The following KDM4B variants were observed in gnomAD, a reference collection of about 807,000 sequenced individuals.
The protein encoded by KDM4B is lysine-specific demethylase 4B.
KDM4B carries 32 observed loss-of-function variants against 125.2 expected under a neutral mutation model. The ratio of observed to expected loss-of-function variants is 0.26; its 90% CI spans 0.19 to 0.34. KDM4B has a LOEUF of 0.34. Ranked by LOEUF, KDM4B falls within the 10% of genes least tolerant of loss-of-function variation. The pLI, the probability that KDM4B is intolerant of heterozygous loss-of-function variation, is 1.00. For synonymous variants in KDM4B, 721 were observed against 677.9 expected, an observed-to-expected ratio of 1.06 and a Z score of -0.99; for missense variants, 1,190 against 1,577.7, an observed-to-expected ratio of 0.75 and a Z score of 4.16.
chr19:5,077,043 C>T (rs1314828446), intron 7 of KDM4B: 3 of 340,676 alleles, frequency 8.8e-6, no homozygotes, highest in Non-Finnish European at 5.4e-6. Context: ...GGTGAGGAGG[C>T]CCTTGGCTGC....
chr19:5,137,754 C>T, intron 17 of KDM4B, 78 bp downstream of exon 17: 1 of 1,370,114 alleles, frequency 7.3e-7, no homozygotes, highest in Non-Finnish European at 9.9e-7. Flanking sequence ...GGTGTGACCC[C>T]AGTGCCTAGG....
chr19:5,041,656 C>G (rs555686459), intron 5 of KDM4B, among the ~76,000 whole-genome samples: 3 of 152,380 alleles, frequency 2.0e-5, no homozygotes, highest in East Asian at 1.9e-4. Flanking sequence ...GCTCAGGGCC[C>G]GGAGACACTG....
chr19:5,038,654 G>A (rs1568247231), intron 3 of KDM4B, among the ~76,000 whole-genome samples: 1 of 152,218 alleles, frequency 6.6e-6, no homozygotes, highest in Non-Finnish European at 1.5e-5. Flanking sequence ...AGAGGTCCTG[G>A]GCCATAGTCT....
intron 21 of KDM4B, 142 bp downstream of exon 21, chr19:5,145,044 G>T (rs1313916457): frequency 8.4e-6 from 9 of 1,073,196 alleles, no homozygotes; most frequent in Non-Finnish European, 1.2e-5. Flanking sequence ...AGGCCCGCAG[G>T]ACCCAGCTGA....
At chr19:5,030,446 G>GGAGGTCAGA (rs1384553558) in intron 2 of KDM4B, among the ~76,000 whole-genome samples, 1 of 152,230 alleles carries the variant, frequency 6.6e-6, no homozygotes, top group African/African-American at 2.4e-5. Flanking sequence ...TTGATGACCT[G>GGAGGTCAGA]GAGGTCAGAG....
At chr19:5,024,704 A>C (rs2145578419) in intron 2 of KDM4B, among the ~76,000 whole-genome samples, 1 of 152,188 alleles carries the variant, frequency 6.6e-6, no homozygotes, top group East Asian at 1.9e-4. Flanking sequence ...TAATTCCAGC[A>C]CTTTGGGAGG....
intron 3 of KDM4B, among the ~76,000 whole-genome samples, chr19:5,037,026 C>T (rs539467349): frequency 1.5e-4 from 23 of 152,310 alleles, no homozygotes; most frequent in African/African-American, 4.8e-4. Context: ...ACACAGTGCC[C>T]GCCGTGGAAG....
chr19:5,005,262 G>A (rs917307445), intron 1 of KDM4B, among the ~76,000 whole-genome samples: 8 of 152,322 alleles, frequency 5.3e-5, no homozygotes, highest in Non-Finnish European at 1.2e-4. Flanking sequence ...ACAGATGCCC[G>A]GGGCAGCTGG....
intron 13 of KDM4B, 150 bp downstream of exon 13, chr19:5,132,157 C>T (rs2039569622): frequency 6.9e-6 from 7 of 1,017,968 alleles, no homozygotes; most frequent in Admixed American, 3.0e-5. Context: ...TCTGCCGTAG[C>T]GACAGGCTGT....
chr19:4,988,147 G>T (rs1208857879), intron 1 of KDM4B, among the ~76,000 whole-genome samples: 2 of 152,242 alleles, frequency 1.3e-5, no homozygotes, highest in African/African-American at 4.8e-5. Context: ...CCTGGGGGCT[G>T]CATCGGGCAG....
chr19:5,151,568 G>A lies in KDM4B; in HGVS notation c.*57G>A. Reference sequence around the variant, plus strand: ...GGCGGGGAGGCCATGGCATGCCCCGGGCGTTCGCTTGCTGTGAATTCCTGT... The same window carrying A: ...GGCGGGGAGGCCATGGCATGCCCCGAGCGTTCGCTTGCTGTGAATTCCTGT... On this transcript the variant is annotated 3_prime_UTR_variant, in exon 23 of 23. Coordinates refer to ENST00000159111, the MANE Select transcript of KDM4B (RefSeq NM_015015.3). 1 of 1,269,266 alleles carries A rather than the reference G, an allele frequency of 7.9e-7. No homozygotes were observed. Among genetic ancestry groups the A allele is most frequent in the Non-Finnish European group, 1.0e-6 (1 of 998,624 alleles). The allele number at this position is 1,269,266 out of a possible 1,614,324, so 78.6% of individuals were successfully genotyped here. A position where few individuals can be genotyped will look rare whatever the true frequency, so the allele number is the denominator to read the frequency against.
chr19:5,001,867 C>T (rs913788100), intron 1 of KDM4B, among the ~76,000 whole-genome samples: 1 of 152,182 alleles, frequency 6.6e-6, no homozygotes, highest in Non-Finnish European at 1.5e-5. Context: ...TGTATCTTTT[C>T]TGTGAGCTGT....
chr19:5,058,977 G>A (rs1030172783), intron 6 of KDM4B, among the ~76,000 whole-genome samples: 15 of 152,320 alleles, frequency 9.8e-5, no homozygotes, highest in African/African-American at 3.1e-4. Context: ...AGATAATCCC[G>A]CCAGGCGGTG....
At chr19:4,987,061 C>T (rs530144553) in intron 1 of KDM4B, among the ~76,000 whole-genome samples, 8 of 151,864 alleles carry the variant, frequency 5.3e-5, no homozygotes, top group East Asian at 1.9e-4. Flanking sequence ...TGGGTTCAAG[C>T]GATTCTCCTG....
intron 14 of KDM4B, 79 bp from the exon 15 acceptor site, chr19:5,135,260 G>T: frequency 1.1e-6 from 1 of 934,032 alleles, no homozygotes; most frequent in Non-Finnish European, 1.7e-6. Context: ...TGGGGCAGGT[G>T]CCCTGAGAGA....
At chr19:5,092,791 A>G (rs1171411796) in intron 9 of KDM4B, among the ~76,000 whole-genome samples, 1 of 152,152 alleles carries the variant, frequency 6.6e-6, no homozygotes, top group African/African-American at 2.4e-5. Flanking sequence ...CTGAGTCAGA[A>G]ATGGTGGAGT....
intron 2 of KDM4B, among the ~76,000 whole-genome samples, chr19:5,029,957 T>TG (rs1280941158): frequency 1.3e-5 from 2 of 152,246 alleles, no homozygotes; most frequent in Admixed American, 6.5e-5. Flanking sequence ...AAGGGCTGTC[T>TG]GGGTCTCCCC....
intron 5 of KDM4B, among the ~76,000 whole-genome samples, chr19:5,046,105 T>C (rs1020596871): frequency 3.9e-4 from 60 of 152,328 alleles, no homozygotes; most frequent in African/African-American, 1.3e-3. Flanking sequence ...AGCCTCTGGG[T>C]TGGCTGGCCT....
At chr19:4,990,090 G>C (rs2034985466) in intron 1 of KDM4B, among the ~76,000 whole-genome samples, 1 of 152,030 alleles carries the variant, frequency 6.6e-6, no homozygotes, top group Non-Finnish European at 1.5e-5. Context: ...AGGAGTTCAA[G>C]ACCAGGCTGG....
Sources: allele counts gnomAD v4.1 joint callset (sites outside exome capture counted in the v4.1 genomes callset), GRCh38; gene constraint gnomAD v4.1.1; transcripts MANE v1.5; gene names NCBI Gene and HGNC (gene_info 2026-07-23, HGNC 2026-07-21).